Variants in ZMIZ1 observed in about 807,000 individuals in gnomAD.
ZMIZ1 encodes zinc finger MIZ-type containing 1.
A neutral mutation model predicts 113.9 loss-of-function variants in ZMIZ1; 17 were observed. The observed-to-expected ratio is 0.15, with a 90% CI of 0.10 to 0.22. The LOEUF (loss-of-function observed/expected upper bound fraction) is 0.22, where lower values mean the gene tolerates loss of function less well. Ranked by LOEUF, ZMIZ1 falls within the 10% of genes least tolerant of loss-of-function variation. The pLI is 1.00. For missense variants in ZMIZ1, 1,059 were observed against 1,477.8 expected (o/e 0.72, Z 4.65); for synonymous variants, 607 against 603.1 (o/e 1.01, Z -0.09).
chr10:79,131,727 A>T (rs1844781739), intron 2 of ZMIZ1, among the ~76,000 whole-genome samples: 1 of 151,998 alleles, frequency 6.6e-6, no homozygotes, highest in Admixed American at 6.5e-5. Context: ...GTTGGGGCTG[A>T]AGTCATGTGA....
chr10:79,308,338 G>A (rs1462741050), intron 23 of ZMIZ1, among the ~76,000 whole-genome samples: 2 of 152,256 alleles, frequency 1.3e-5, no homozygotes. Context: ...CGTGGGTGCA[G>A]GAAGAACAGT....
intron 6 of ZMIZ1, among the ~76,000 whole-genome samples, chr10:79,211,167 A>C (rs1848516847): frequency 6.6e-6 from 1 of 152,104 alleles, no homozygotes; most frequent in Non-Finnish European, 1.5e-5. Flanking sequence ...TTCCCTAGCC[A>C]CTGTCTCTTT....
At chr10:79,242,292 GGCCGCGCGCA>G (rs1564544898) in intron 7 of ZMIZ1, among the ~76,000 whole-genome samples, 1 of 152,098 alleles carries the variant, frequency 6.6e-6, no homozygotes, top group Admixed American at 6.5e-5. Flanking sequence ...GGCGGGGCAG[GGCCGCGCGCA>G]GCCGCCCCCG....
At chr10:79,294,095 G>A (rs771848049) in intron 12 of ZMIZ1, 38 of 210,320 alleles carry the variant, frequency 1.8e-4, no homozygotes, top group African/African-American at 3.1e-4. Context: ...GGGCTGACCC[G>A]TCCGGGAAGT....
intron 3 of ZMIZ1, among the ~76,000 whole-genome samples, chr10:79,143,591 G>T (rs1334124590): frequency 6.6e-6 from 1 of 152,216 alleles, no homozygotes; most frequent in Non-Finnish European, 1.5e-5. Context: ...ACAGTGGAGG[G>T]TTTCTGCGCT....
At chr10:79,211,218 C>T (rs1848518198) in intron 6 of ZMIZ1, among the ~76,000 whole-genome samples, 1 of 152,222 alleles carries the variant, frequency 6.6e-6, no homozygotes, top group African/African-American at 2.4e-5. Context: ...AGGGAGTCAC[C>T]ACTCCCATTT....
rs374012757 is a variant in ZMIZ1 at position 79,291,024 on chromosome 10, G to A, written c.606G>A (p.Ser202=). 8.1e-6 allele frequency: 13 copies of A among 1,614,102 alleles called. No individual in the cohort carries two copies. Among genetic ancestry groups the A allele is most frequent in the Middle Eastern group, 1.6e-4 (1 of 6,084 alleles). The change falls in exon 10 of 25, where the codon TCG becomes TCA. Residue 202 remains serine, a synonymous_variant. Coordinates refer to ENST00000334512, the MANE Select transcript of ZMIZ1 (RefSeq NM_020338.4). ...PMNPGGNPMA[S]GMTTSNPGLN... is the part of the protein sequence containing the mutation. ...ATCCAGGCGGCAACCCCATGGCGTC[G>A]GGCATGACCACCAGCAACCCAGGCC...
At chr10:79,305,080 G>C in intron 19 of ZMIZ1, 84 bp from the exon 20 acceptor site, 2 of 1,469,514 alleles carry the variant, frequency 1.4e-6, no homozygotes, top group Non-Finnish European at 1.9e-6. Flanking sequence ...CTCTGGTGGG[G>C]AAGTTATTCC....
intron 4 of ZMIZ1, among the ~76,000 whole-genome samples, chr10:79,180,054 G>A (rs985208580): frequency 1.3e-5 from 2 of 152,240 alleles, no homozygotes; most frequent in Non-Finnish European, 2.9e-5. Flanking sequence ...GGGTGCCGAG[G>A]GTGGAGACGG....
Position 79,306,085 on chromosome 10 carries a change from C to T in ZMIZ1, c.2424-15C>T, listed in dbSNP as rs780978372. 7 of 1,607,580 alleles carry T rather than the reference C, an allele frequency of 4.4e-6. No individual in the cohort carries two copies. The South Asian group carries it at 6.6e-5, about 15-fold the overall frequency. On this transcript the variant is annotated splice_polypyrimidine_tract_variant and intron_variant, in intron 21 of 24. Coordinates refer to ENST00000334512, the MANE Select transcript of ZMIZ1 (RefSeq NM_020338.4). ...GCACCCCGGAGCCTCAGCTCTGCCA[C>T]CCTTCCTCCCCCAGCTCCGAGTTTG... is the stretch of plus-strand genomic sequence containing the variant.
chr10:79,075,539 G>A (rs1349896903), intron 1 of ZMIZ1, among the ~76,000 whole-genome samples: 1 of 143,920 alleles, frequency 6.9e-6, no homozygotes. Context: ...CCCTGTGTGT[G>A]TGCACACCTG....
chr10:79,198,765 C>T (rs560163892), intron 4 of ZMIZ1, among the ~76,000 whole-genome samples: 10 of 152,294 alleles, frequency 6.6e-5, no homozygotes, highest in African/African-American at 2.2e-4. Context: ...CGGGCGCAGT[C>T]GCTCACGCCT....
In ZMIZ1 at chr10:79,293,451, G is replaced by T; in HGVS notation, c.1028G>T (p.Gly343Val). 6.5e-7 allele frequency: 1 copy of T among 1,541,812 alleles called. No homozygotes were observed. The highest frequency in any genetic ancestry group is 8.7e-7 in the Non-Finnish European group (1 of 1,143,922). ...GGGCCGCGGGGGCCTGCCTCCATGG[G>T]GGGCAGCATGAACCCCGCGAGCATG... ...QPGPRGPASMGGSMNPASMAA... is the reference protein window; with the variant it reads ...QPGPRGPASMVGSMNPASMAA... The change falls in exon 12 of 25, where the codon GGG becomes GTG. Residue 343 changes from glycine to valine, a missense_variant. Gly to Val is a moderately radical substitution (Grantham distance 109). Around this residue, in one of 6 missense-constraint regions of ZMIZ1, gnomAD observed 83 missense variants for 103.7 expected, o/e 0.80. Transcript: ENST00000334512.
At chr10:79,134,673 G>A (rs1844919427) in intron 2 of ZMIZ1, among the ~76,000 whole-genome samples, 1 of 152,152 alleles carries the variant, frequency 6.6e-6, no homozygotes, top group Non-Finnish European at 1.5e-5. Context: ...CCGGACACAT[G>A]TGAGGGTGTC....
Position 79,305,593 on chromosome 10 carries a change from C to T in ZMIZ1, c.2415C>T (p.Ala805=). 6.2e-7 allele frequency: 1 copy of T among 1,609,600 alleles called. No homozygotes were observed. The highest frequency in any genetic ancestry group is 1.3e-5 in the African/African-American group (1 of 74,912). The change falls in exon 21 of 25, where the codon GCC becomes GCT. Residue 805 remains alanine, a synonymous_variant. Transcript: ENST00000334512. ...AGTACATGTGGGGAATCCTGAATGC[C>T]ATCCAACAGTAAGTGGGGCCCTAGC... ...VDQYMWGILN[A]IQHSEFEEVT...
intron 7 of ZMIZ1, among the ~76,000 whole-genome samples, chr10:79,223,376 C>T (rs1589444343): frequency 6.6e-6 from 1 of 152,196 alleles, no homozygotes; most frequent in African/African-American, 2.4e-5. Context: ...TTTTCAAGGT[C>T]GGGACAGACT....
At chr10:79,264,793 A>G (rs965969442) in intron 7 of ZMIZ1, among the ~76,000 whole-genome samples, 2 of 152,232 alleles carry the variant, frequency 1.3e-5, no homozygotes, top group African/African-American at 4.8e-5. Context: ...AGTGCATGGT[A>G]GGACTAAGGG....
Position 79,277,806 on chromosome 10 carries a change from C to T in ZMIZ1, c.425+481C>T, listed in dbSNP as rs148298988. On this transcript the variant is annotated intron_variant, in intron 8 of 24. Transcript: ENST00000334512. ...TGGGCTTGCTGGAGGCCGACAGCAC[C>T]GAGGGATTGTCCAGTCCACCTGTGC... Among the ~76,000 whole-genome samples, 119 of 152,312 alleles carry T rather than the reference C, an allele frequency of 7.8e-4. 1 individual carries two copies. The East Asian group carries it at 0.019, about 24-fold the overall frequency.
At chr10:79,269,136 G>T (rs1232229633) in intron 7 of ZMIZ1, among the ~76,000 whole-genome samples, 4 of 152,114 alleles carry the variant, frequency 2.6e-5, no homozygotes, top group African/African-American at 9.7e-5. Context: ...GACTCAACAG[G>T]CAAGCCCCTG....
Sources: allele counts gnomAD v4.1 joint callset (sites outside exome capture counted in the v4.1 genomes callset), GRCh38; gene constraint gnomAD v4.1.1; regional missense constraint gnomAD v4.1.1; transcripts MANE v1.5; gene names NCBI Gene and HGNC (gene_info 2026-07-23, HGNC 2026-07-21).